Variants in NBAS observed in about 807,000 individuals in gnomAD.
NBAS encodes the protein NAG/BC035112 fusion.
A neutral mutation model predicts 302.5 loss-of-function variants in NBAS; 219 were observed. The observed-to-expected ratio is 0.72, with a 90% CI of 0.65 to 0.81. NBAS has a LOEUF of 0.81. Among genes scored for constraint, NBAS ranks in the 30% least tolerant of loss-of-function variants. The pLI, the probability that NBAS is intolerant of heterozygous loss-of-function variation, is 0.00. For synonymous variants in NBAS, 1,118 were observed against 1,021.6 expected (o/e 1.09, Z -1.80); for missense variants, 2,932 against 2,841.6 (o/e 1.03, Z -0.72).
chr2:14,984,460 CAAAT>C, the NBAS span, among the ~76,000 whole-genome samples: 1 of 152,116 alleles, frequency 6.6e-6, no homozygotes, highest in Admixed American at 6.5e-5. Context: ...CAGCGTAAAA[CAAAT>C]GAATACATTA....
chr2:15,220,083 A>T (rs1255054454), intron 47 of NBAS, among the ~76,000 whole-genome samples: 1 of 94,922 alleles, frequency 1.1e-5, no homozygotes. Flanking sequence ...CGGGGGGCTG[A>T]CCCCCCCCAC....
chr2:15,220,401 T>G (rs1666899162), intron 47 of NBAS, among the ~76,000 whole-genome samples: 1 of 152,310 alleles, frequency 6.6e-6, no homozygotes, highest in African/African-American at 2.4e-5. Flanking sequence ...CCCACACAAA[T>G]GAATAATAGT....
chr2:15,060,918 A>G, the NBAS span, among the ~76,000 whole-genome samples: 1 of 152,322 alleles, frequency 6.6e-6, no homozygotes, highest in South Asian at 2.1e-4. Flanking sequence ...GACACAACAT[A>G]GGTGGCTCAA....
At chr2:14,861,467 G>A in the NBAS span, among the ~76,000 whole-genome samples, 12 of 152,178 alleles carry the variant, frequency 7.9e-5, no homozygotes, top group Non-Finnish European at 1.0e-4. Context: ...CAGTCTGGTA[G>A]AGGAGATGAA....
intron 47 of NBAS, among the ~76,000 whole-genome samples, chr2:15,228,909 G>A (rs915477747): frequency 6.6e-6 from 1 of 152,196 alleles, no homozygotes; most frequent in African/African-American, 2.4e-5. Flanking sequence ...TATTTATATA[G>A]TAGGATGAAT....
chr2:14,805,864 CAG>C, the NBAS span, among the ~76,000 whole-genome samples: 6 of 152,136 alleles, frequency 3.9e-5, no homozygotes, highest in African/African-American at 7.2e-5. Flanking sequence ...TTCATATTTG[CAG>C]AGTCTGTCTC....
At chr2:14,859,152 A>G in the NBAS span, among the ~76,000 whole-genome samples, 8,211 of 152,060 alleles carry the variant, frequency 0.054, 739 homozygotes, top group African/African-American at 0.19. Context: ...TATATAAGAA[A>G]AATTATAAAA....
intron 12 of NBAS, among the ~76,000 whole-genome samples, chr2:15,479,199 G>A (rs1044696528): frequency 6.6e-6 from 1 of 151,954 alleles, no homozygotes; most frequent in South Asian, 2.1e-4. Flanking sequence ...CAGAAGACAC[G>A]GTCTTAAACT....
intron 38 of NBAS, among the ~76,000 whole-genome samples, chr2:15,326,142 T>G: frequency 6.6e-6 from 1 of 152,252 alleles, no homozygotes; most frequent in South Asian, 2.1e-4. Context: ...CAAATCACCG[T>G]AACAGATACA....
At chr2:15,391,720 A>C (rs1374868345) in intron 28 of NBAS, among the ~76,000 whole-genome samples, 1 of 152,072 alleles carries the variant, frequency 6.6e-6, no homozygotes, top group Non-Finnish European at 1.5e-5. Flanking sequence ...CTACACCATG[A>C]AATTAAATTT....
chr2:15,478,282 T>A lies in NBAS; in HGVS notation c.1091A>T (p.Tyr364Phe), dbSNP rs534890707. Reference sequence around the variant, plus strand: ...CCTCCAATCAGGATTAAGGTCATCATAGCCTGGCTAAATATGAAAATAATG... The same window carrying A: ...CCTCCAATCAGGATTAAGGTCATCAAAGCCTGGCTAAATATGAAAATAATG... ...GEWGQNEQPG[Y>F]DDLNPDWRLS... Residue 364 changes from tyrosine (Y) to phenylalanine (F), a missense_variant, in exon 13 of 52, where the codon TAT becomes TTT. By Grantham distance (22) the Tyr-to-Phe change is conservative (BLOSUM62 3). Transcript: ENST00000281513. 120 of 1,610,374 alleles carry A rather than the reference T, an allele frequency of 7.5e-5. No homozygotes were observed. The South Asian group carries it at 1.3e-3, about 17-fold the overall frequency.
At chr2:15,206,143 C>A (rs902434065) in intron 48 of NBAS, among the ~76,000 whole-genome samples, 1 of 152,096 alleles carries the variant, frequency 6.6e-6, no homozygotes, top group African/African-American at 2.4e-5. Flanking sequence ...ACAATGAAAT[C>A]CGGGCTGAGG....
chr2:15,424,663 T>C (rs1284242112), intron 22 of NBAS, among the ~76,000 whole-genome samples, 195 bp from the exon 23 acceptor site: 1 of 152,162 alleles, frequency 6.6e-6, no homozygotes, highest in African/African-American at 2.4e-5. Context: ...CGTAATTTAT[T>C]TTCCCCCCGT....
intron 47 of NBAS, among the ~76,000 whole-genome samples, chr2:15,224,350 C>A (rs1364237506): frequency 1.3e-5 from 2 of 152,148 alleles, no homozygotes; most frequent in Non-Finnish European, 2.9e-5. Flanking sequence ...CATACACATA[C>A]AATCAAAATA....
the NBAS span, among the ~76,000 whole-genome samples, chr2:15,097,551 C>A: frequency 1.3e-5 from 2 of 152,008 alleles, no homozygotes; most frequent in African/African-American, 2.4e-5. Context: ...GATCAGGGAG[C>A]CAGCATGATG....
chr2:14,994,573 T>C, the NBAS span, among the ~76,000 whole-genome samples: 1 of 152,160 alleles, frequency 6.6e-6, no homozygotes, highest in Non-Finnish European at 1.5e-5. Flanking sequence ...TCCTCGATTC[T>C]CTTCTAACAA....
chr2:14,995,030 T>C, the NBAS span, among the ~76,000 whole-genome samples: 1 of 151,920 alleles, frequency 6.6e-6, no homozygotes, highest in Non-Finnish European at 1.5e-5. Context: ...ATTAAGTGGG[T>C]TGGATGTGTG....
chr2:15,534,588 T>C lies in NBAS; in HGVS notation c.701A>G (p.His234Arg), dbSNP rs141602025. ...AGCTGTGTTGATTCCATGAGGATAA[T>C]GACTACTGAAGCTGAAACAGTGACT... ...QESHCFSFSS[H>R]YPHGINTAIY... is the part of the protein sequence containing the mutation. The change falls in exon 9 of 52, where the codon CAT becomes CGT. Residue 234 changes from histidine (H) to arginine (R), a missense_variant. By Grantham distance (29) the His-to-Arg change is conservative. Coordinates refer to ENST00000281513, the MANE Select transcript of NBAS (RefSeq NM_015909.4). 6.2e-7 allele frequency: 1 copy of C among 1,613,884 alleles called. No homozygotes were observed. The highest frequency in any genetic ancestry group is 1.1e-5 in the South Asian group (1 of 91,076).
the NBAS span, among the ~76,000 whole-genome samples, chr2:15,150,310 C>T: frequency 6.6e-6 from 1 of 152,184 alleles, no homozygotes; most frequent in African/African-American, 2.4e-5. Flanking sequence ...AAATTGCTAA[C>T]CTAACATCAA....
Sources: gnomAD v4.1 joint callset for allele counts (sites outside exome capture counted in the v4.1 genomes callset) on GRCh38, gnomAD v4.1.1 for gene constraint, MANE v1.5 for transcripts, NCBI Gene and HGNC (gene_info 2026-07-23, HGNC 2026-07-21) for gene names.